The following SHISAL1 variants were observed in gnomAD, a reference collection of about 807,000 sequenced individuals.
SHISAL1 encodes the protein protein shisa-like-1.
Under a neutral mutation model 22.6 loss-of-function variants are expected in SHISAL1, and 9 were observed. The observed-to-expected ratio is 0.40, with a 90% CI of 0.24 to 0.70. The LOEUF (loss-of-function observed/expected upper bound fraction) is 0.70. Ranked by LOEUF, SHISAL1 falls within the 30% of genes least tolerant of loss-of-function variation. The probability of loss-of-function intolerance (pLI) is 0.39; values close to 1 mark genes in which losing one functional copy is unlikely to be tolerated. For synonymous variants in SHISAL1, 119 were observed against 115.4 expected, an observed-to-expected ratio of 1.03 and a Z score of -0.20; for missense variants, 246 against 270.6, an observed-to-expected ratio of 0.91 and a Z score of 0.64.
At chr22:44,323,101 T>C in the SHISAL1 span, among the ~76,000 whole-genome samples, 24 of 132,830 alleles carry the variant, frequency 1.8e-4, 1 homozygote, top group Admixed American at 1.6e-3. Flanking sequence ...CATCCATCCA[T>C]CCACCCATCT....
intron 3 of SHISAL1, among the ~76,000 whole-genome samples, chr22:44,286,616 G>T (rs971418474): frequency 1.3e-5 from 2 of 152,080 alleles, no homozygotes; most frequent in Non-Finnish European, 2.9e-5. Flanking sequence ...AAGTCTTCCG[G>T]ACACCCTGAC....
intron 2 of SHISAL1, among the ~76,000 whole-genome samples, chr22:44,297,963 T>C (rs914093534): frequency 6.6e-6 from 1 of 152,188 alleles, no homozygotes; most frequent in Non-Finnish European, 1.5e-5. Flanking sequence ...CCGGGGCTGC[T>C]GCAGGGGAGT....
intron 1 of SHISAL1, among the ~76,000 whole-genome samples, chr22:44,306,889 G>A (rs1461489419): frequency 8.6e-6 from 1 of 116,038 alleles, no homozygotes; most frequent in Non-Finnish European, 1.7e-5. Context: ...GCTCGGGGAG[G>A]TGTGATGATG....
At chr22:44,297,880 C>T (rs1220737675) in intron 2 of SHISAL1, among the ~76,000 whole-genome samples, 2 of 152,244 alleles carry the variant, frequency 1.3e-5, no homozygotes, top group African/African-American at 4.8e-5. Context: ...AGGAGTTCCT[C>T]CAGCTCGTTG....
At position 44,244,802 on chromosome 22, in the gene SHISAL1, T is replaced by TTGA. The variant is rs2054984552; in HGVS notation, c.*4882_*4883insTCA. 1 of 152,194 alleles carries TTGA rather than the reference T, an allele frequency of 6.6e-6. No homozygotes were observed. The highest frequency in any genetic ancestry group is 1.5e-5 in the Non-Finnish European group (1 of 68,024). 9.4% of individuals were successfully genotyped at this position (152,194 alleles called of 1,614,324 possible). On this transcript the variant is annotated 3_prime_UTR_variant, in exon 5 of 5. Transcript: ENST00000381176. ...GAATAGGTGAGGGAAGCGCGTGTCATCGAATGAGTTTTCTAGGAGGCTCCT... is the reference window on the plus strand; with the variant it reads ...GAATAGGTGAGGGAAGCGCGTGTCATTGACGAATGAGTTTTCTAGGAGGCTCCT...
intron 4 of SHISAL1, among the ~76,000 whole-genome samples, chr22:44,279,016 T>C (rs537592301): frequency 6.6e-6 from 1 of 152,198 alleles, no homozygotes; most frequent in East Asian, 1.9e-4. Flanking sequence ...GCACTGAGAC[T>C]AGGGAGGGCC....
At chr22:44,296,606 T>A (rs1239750026) in intron 3 of SHISAL1, 66 bp downstream of exon 3, 1 of 1,477,568 alleles carries the variant, frequency 6.8e-7, no homozygotes, top group East Asian at 2.3e-5. Context: ...GGGACGCGAT[T>A]TTGGGAGGCA....
the SHISAL1 span, among the ~76,000 whole-genome samples, chr22:44,326,108 G>A: frequency 2.6e-5 from 4 of 151,904 alleles, no homozygotes; most frequent in South Asian, 2.1e-4. Context: ...CATTTCTTTC[G>A]GTCTGTAAAT....
chr22:44,269,064 T>A (rs889516727), intron 4 of SHISAL1, among the ~76,000 whole-genome samples: 1 of 151,978 alleles, frequency 6.6e-6, no homozygotes, highest in African/African-American at 2.4e-5. Context: ...CCCGACGTCC[T>A]TTCTACTGCC....
rs1393090982 is a variant in SHISAL1 at position 44,261,084 on chromosome 22, T to TATATATATATATAC, written c.*-11400_*-11399insGTATATATATATAT. 5.8e-4 allele frequency among the ~76,000 whole-genome samples: 78 copies of TATATATATATATAC among 135,346 alleles called. 3 individuals carry two copies. The highest frequency in any genetic ancestry group is 2.4e-3 in the Admixed American group (34 of 14,038). The allele number at this position is 135,346 out of a possible 152,430, so 88.8% of individuals were successfully genotyped here. ...GGTGTTTGCTTCATTACTTTATATATATATATATATATATACACTATATGG... is the reference window on the plus strand; with the variant it reads ...GGTGTTTGCTTCATTACTTTATATATATATATATATATACATATATATATATATACACTATATGG... On this transcript the variant is annotated intron_variant, in intron 4 of 4. Coordinates refer to ENST00000381176, the MANE Select transcript of SHISAL1 (RefSeq NM_001099294.2).
chr22:44,327,715 G>T, the SHISAL1 span, among the ~76,000 whole-genome samples: 1 of 152,060 alleles, frequency 6.6e-6, no homozygotes, highest in African/African-American at 2.4e-5. Flanking sequence ...AGGAAGAGAT[G>T]GGGCCACCCT....
intron 4 of SHISAL1, among the ~76,000 whole-genome samples, chr22:44,281,660 C>A (rs2147287694): frequency 6.6e-6 from 1 of 152,262 alleles, no homozygotes; most frequent in Non-Finnish European, 1.5e-5. Context: ...TCACACTGGG[C>A]TCTGGGCCCT....
rs1404003949 is a variant in SHISAL1, at chr22:44,300,492, C to CT, written c.67+386_67+387insA. Among the ~76,000 whole-genome samples the CT allele has an allele frequency of 3.3e-5, 5 of 152,350 alleles. No homozygotes were observed. In the East Asian group the frequency reaches 9.7e-4, roughly 29 times the overall value. ...GGCTAGAATCCGCTAACTGCCTTGT[C>CT]CTAGGCAAGTCAGGTCCCTCTCCAA... On this transcript the variant is annotated intron_variant, in intron 2 of 4. Transcript: ENST00000381176.
At chr22:44,327,417 T>C in the SHISAL1 span, among the ~76,000 whole-genome samples, 1 of 152,068 alleles carries the variant, frequency 6.6e-6, no homozygotes. Flanking sequence ...AGGATGAACA[T>C]TTCTGACCTG....
intron 4 of SHISAL1, among the ~76,000 whole-genome samples, chr22:44,257,399 C>CTCCCA (rs2055091931): frequency 6.6e-6 from 1 of 152,190 alleles, no homozygotes; most frequent in Non-Finnish European, 1.5e-5. Flanking sequence ...CCTCAGCCAC[C>CTCCCA]TCCCATACCG....
At chr22:44,279,332 C>G (rs1009292527) in intron 4 of SHISAL1, among the ~76,000 whole-genome samples, 1 of 152,238 alleles carries the variant, frequency 6.6e-6, no homozygotes, top group African/African-American at 2.4e-5. Context: ...CATCAACTGT[C>G]TTCTGAATTC....
upstream of SHISAL1, among the ~76,000 whole-genome samples, chr22:44,317,349 C>T (rs908121527): frequency 1.1e-4 from 16 of 152,218 alleles, no homozygotes; most frequent in Admixed American, 5.9e-4. Context: ...CGGGGCGGTC[C>T]GCGCCCAGGA....
At chr22:44,309,374 C>T (rs13056391) in intron 1 of SHISAL1, among the ~76,000 whole-genome samples, 24,211 of 152,094 alleles carry the variant, frequency 0.16, 2,814 homozygotes, top group African/African-American at 0.33. Context: ...CTCTGGAGCC[C>T]CACCAACAGT....
At chr22:44,286,811 C>T (rs112950456) in intron 3 of SHISAL1, among the ~76,000 whole-genome samples, 5,472 of 152,292 alleles carry the variant, frequency 0.036, 347 homozygotes, top group African/African-American at 0.12. Context: ...CTGGAGCTGC[C>T]GAGCCCTAAC....
Sources: allele counts gnomAD v4.1 joint callset (sites outside exome capture counted in the v4.1 genomes callset), GRCh38; gene constraint gnomAD v4.1.1; transcripts MANE v1.5; gene names NCBI Gene and HGNC (gene_info 2026-07-23, HGNC 2026-07-21).